The following EGF variants were observed in gnomAD, a reference collection of about 807,000 sequenced individuals.
EGF encodes pro-epidermal growth factor.
EGF carries 95 observed loss-of-function variants against 143.8 expected under a neutral mutation model. The observed-to-expected ratio is 0.66, with a 90% CI of 0.56 to 0.78. The LOEUF (loss-of-function observed/expected upper bound fraction) is 0.78, where lower values mean the gene tolerates loss of function less well. Among genes scored for constraint, EGF ranks in the 30% least tolerant of loss-of-function variants. The pLI is 0.00. For missense variants in EGF, 1,320 were observed against 1,470.9 expected (o/e 0.90, Z 1.68); for synonymous variants, 510 against 510.5 (o/e 1.00, Z 0.01).
intron 1 of EGF, among the ~76,000 whole-genome samples, chr4:109,940,022 C>T (rs1483071161): frequency 6.6e-6 from 1 of 152,182 alleles, no homozygotes; most frequent in Non-Finnish European, 1.5e-5. Flanking sequence ...ATTTCATCCT[C>T]TGGTGTCATC....
chr4:109,995,242 A>G (rs1751602484), intron 20 of EGF, among the ~76,000 whole-genome samples: 1 of 152,154 alleles, frequency 6.6e-6, no homozygotes, highest in Non-Finnish European at 1.5e-5. Flanking sequence ...AATGTGCTTT[A>G]TATTATGTGT....
At chr4:109,959,215 TGTAGGGAG>T in intron 5 of EGF, 89 bp from the exon 6 acceptor site, 1 of 1,571,300 alleles carries the variant, frequency 6.4e-7, no homozygotes, top group African/African-American at 1.4e-5. Flanking sequence ...CTGTAGACGT[TGTAGGGAG>T]GTAAGACCTC....
At chr4:109,918,105 T>C (rs1310310945) in intron 1 of EGF, among the ~76,000 whole-genome samples, 3 of 152,216 alleles carry the variant, frequency 2.0e-5, no homozygotes, top group Non-Finnish European at 4.4e-5. Context: ...AATATTTTCT[T>C]TCTACACAAT....
At chr4:109,938,296 CG>C (rs1348769748) in intron 1 of EGF, among the ~76,000 whole-genome samples, 1 of 152,096 alleles carries the variant, frequency 6.6e-6, no homozygotes, top group Non-Finnish European at 1.5e-5. Context: ...TTCTTCCGCT[CG>C]ATTGAATTGA....
In EGF at chr4:109,999,849, G is replaced by A; in HGVS notation, c.3173+3G>A. The A allele has an allele frequency of 1.2e-6, 2 of 1,613,000 alleles. No homozygotes were observed. Among genetic ancestry groups the A allele is most frequent in the East Asian group, 4.5e-5 (2 of 44,896 alleles). On this transcript the variant is annotated splice_donor_region_variant and intron_variant, in intron 21 of 23. Coordinates refer to ENST00000265171, the MANE Select transcript of EGF (RefSeq NM_001963.6). The stretch of plus-strand genomic sequence containing the variant: ...CTGTGGGGGGCCCACTACTACAGGT[G>A]ACCCTGTCTTTCCTTTGGTACTGGA...
At chr4:110,010,741 G>A (rs1753887380) in intron 23 of EGF, among the ~76,000 whole-genome samples, 1 of 152,150 alleles carries the variant, frequency 6.6e-6, no homozygotes, top group Non-Finnish European at 1.5e-5. Context: ...ATGAGCCCCT[G>A]CACTGGCCTA....
At chr4:109,917,186 C>A (rs1341994224) in intron 1 of EGF, among the ~76,000 whole-genome samples, 3 of 152,156 alleles carry the variant, frequency 2.0e-5, no homozygotes, top group Non-Finnish European at 4.4e-5. Flanking sequence ...ATGTGTGGAA[C>A]CCTTCCCTTG....
intron 18 of EGF, 62 bp downstream of exon 18, chr4:109,988,771 G>T: frequency 2.5e-6 from 4 of 1,609,486 alleles, no homozygotes; most frequent in Non-Finnish European, 3.4e-6. Context: ...GGGAAACAAT[G>T]TGGGTGCATG....
In EGF at chr4:109,924,395, T is replaced by C. The variant is rs182424034; in HGVS notation, c.127+10933T>C. On this transcript the variant is annotated intron_variant, in intron 1 of 23. Transcript: ENST00000265171. ...CTTCCTTAATATATCTAGTTCTCTA[T>C]GTTGAAAGCACTTTGAAAGTAGGAT... Among the ~76,000 whole-genome samples the C allele has an allele frequency of 5.3e-3, 804 of 151,866 alleles. 43 individuals carry two copies. The highest frequency in any genetic ancestry group is 0.019 in the African/African-American group (773 of 41,108).
At chr4:109,989,246 C>T (rs566808231) in intron 18 of EGF, among the ~76,000 whole-genome samples, 2 of 152,316 alleles carry the variant, frequency 1.3e-5, no homozygotes, top group Admixed American at 6.5e-5. Flanking sequence ...AACCCTCTTT[C>T]GTAATCCCCG....
chr4:109,973,002 G>A (rs544191790), intron 11 of EGF, among the ~76,000 whole-genome samples: 1 of 152,292 alleles, frequency 6.6e-6, no homozygotes, highest in South Asian at 2.1e-4. Context: ...GATGTTTATT[G>A]AATGAATTAA....
At chr4:110,008,004 T>G (rs1478364263) in intron 22 of EGF, 148 bp from the exon 23 acceptor site, 1 of 758,778 alleles carries the variant, frequency 1.3e-6, no homozygotes, top group African/African-American at 1.7e-5. Context: ...TCTCTTTAGA[T>G]AGAAAGACTA....
intron 10 of EGF, among the ~76,000 whole-genome samples, chr4:109,968,339 T>C (rs1483615453): frequency 1.3e-5 from 2 of 152,112 alleles, no homozygotes; most frequent in Non-Finnish European, 2.9e-5. Flanking sequence ...AGCAAATAAG[T>C]GACAAAACTG....
intron 22 of EGF, among the ~76,000 whole-genome samples, chr4:110,007,750 G>A (rs1156451551): frequency 6.6e-6 from 1 of 152,184 alleles, no homozygotes; most frequent in African/African-American, 2.4e-5. Context: ...ATTAATGTGT[G>A]TGTGCGTGTG....
chr4:109,991,414 G>A (rs747375713), intron 18 of EGF, among the ~76,000 whole-genome samples: 9 of 151,960 alleles, frequency 5.9e-5, no homozygotes, highest in African/African-American at 2.2e-4. Context: ...GCCACTGGCA[G>A]CATTTGAGTA....
At chr4:109,928,539 G>T (rs772029197) in intron 1 of EGF, among the ~76,000 whole-genome samples, 14 of 152,170 alleles carry the variant, frequency 9.2e-5, no homozygotes, top group African/African-American at 1.9e-4. Flanking sequence ...CAGACTCTTA[G>T]TTAATTCTCT....
intron 18 of EGF, among the ~76,000 whole-genome samples, chr4:109,990,790 G>A (rs550450626): frequency 6.6e-6 from 1 of 152,264 alleles, no homozygotes; most frequent in South Asian, 2.1e-4. Flanking sequence ...GAGAGAAAGG[G>A]AGACAGAGAG....
Position 109,912,978 on chromosome 4 carries a change from C to G in EGF, c.-358C>G, listed in dbSNP as rs1385471734. On this transcript the variant is annotated 5_prime_UTR_variant, in exon 1 of 24. Coordinates refer to ENST00000265171, the MANE Select transcript of EGF (RefSeq NM_001963.6). ...TAGCTGGAACTTTCCATCAGTTCTT[C>G]CTTTCTTTTTCCTCTCTAAGCCTTT... 3.9e-6 allele frequency: 1 copy of G among 256,286 alleles called. No homozygotes were observed. Among genetic ancestry groups the G allele is most frequent in the South Asian group, 5.0e-5 (1 of 19,804 alleles). The allele number at this position is 256,286 out of a possible 1,614,324, so 15.9% of individuals were successfully genotyped here.
chr4:109,960,805 G>A, intron 6 of EGF, 62 bp from the exon 7 acceptor site: 3 of 1,604,084 alleles, frequency 1.9e-6, no homozygotes, highest in Non-Finnish European at 2.6e-6. Context: ...ACTTATTAGT[G>A]ATAGCACAAT....
Sources: allele counts gnomAD v4.1 joint callset (sites outside exome capture counted in the v4.1 genomes callset), GRCh38; gene constraint gnomAD v4.1.1; transcripts MANE v1.5; gene names NCBI Gene and HGNC (gene_info 2026-07-23, HGNC 2026-07-21).